The following HDGFL3 variants were observed in gnomAD, a reference collection of about 807,000 sequenced individuals.
HDGFL3 encodes the protein hepatoma-derived growth factor-related protein 3.
Under a neutral mutation model 27.6 loss-of-function variants are expected in HDGFL3, and 6 were observed. The observed-to-expected ratio is 0.22, with a 90% CI of 0.12 to 0.43. The LOEUF is 0.43. HDGFL3 is among the 20% of genes least tolerant of loss of function. The pLI is 1.00. For missense variants in HDGFL3, 207 were observed against 250.1 expected, an observed-to-expected ratio of 0.83 and a Z score of 1.16; for synonymous variants, 88 against 88.9, an observed-to-expected ratio of 0.99 and a Z score of 0.05.
exon 4 of HDGFL3, chr15:83,115,716 A>G (rs1259351667): frequency 1.4e-6 from 1 of 739,142 alleles, no homozygotes; most frequent in Non-Finnish European, 2.4e-6. Flanking sequence ...CTGTTAGTCT[A>G]TCTCGATAAT....
intron 1 of HDGFL3, among the ~76,000 whole-genome samples, chr15:83,194,894 C>A (rs1219564239): frequency 6.6e-6 from 1 of 152,086 alleles, no homozygotes; most frequent in Admixed American, 6.5e-5. Flanking sequence ...TCAGAAGGTA[C>A]TATCATTTAA....
chr15:83,146,649 GT>G (rs1450695680), intron 5 of HDGFL3, among the ~76,000 whole-genome samples: 1 of 152,038 alleles, frequency 6.6e-6, no homozygotes, highest in Non-Finnish European at 1.5e-5. Context: ...CTTAATTCTA[GT>G]TAAATTCAAT....
intron 3 of HDGFL3, chr15:83,119,682 G>A: frequency 1.2e-6 from 2 of 1,614,162 alleles, no homozygotes; most frequent in Non-Finnish European, 1.7e-6. Flanking sequence ...TAGCATGGGA[G>A]TAAGTCAGTT....
chr15:83,198,710 G>A (rs1215367642), intron 1 of HDGFL3, among the ~76,000 whole-genome samples: 1 of 152,202 alleles, frequency 6.6e-6, no homozygotes, highest in African/African-American at 2.4e-5. Context: ...GTGGACACGT[G>A]AAAAGCAACC....
rs1285626674 is a variant in HDGFL3 at position 83,134,662 on chromosome 15, AT to A, written c.*4607del. 1 of 152,210 alleles carries A rather than the reference AT, an allele frequency of 6.6e-6. No individual in the cohort carries two copies. The allele number at this position is 152,210 out of a possible 1,614,324, so 9.4% of individuals were successfully genotyped here. On this transcript the variant is annotated 3_prime_UTR_variant, in exon 6 of 6. Transcript: ENST00000299633. Reference sequence around the variant, plus strand: ...TATGCAAGTAGGCACAACTGCTCATATTTATTCTCTCAAAGTATGGTTGGCA... The same window carrying A: ...TATGCAAGTAGGCACAACTGCTCATATTATTCTCTCAAAGTATGGTTGGCA...
chr15:83,197,966 G>A (rs2037592098), intron 1 of HDGFL3, among the ~76,000 whole-genome samples: 1 of 147,574 alleles, frequency 6.8e-6, no homozygotes, highest in Admixed American at 6.9e-5. Context: ...CGGCGGGGAG[G>A]GGGTGATGAG....
In HDGFL3 at chr15:83,136,283, C is replaced by T. The variant is rs1267309460; in HGVS notation, c.*2987G>A. The T allele has an allele frequency of 6.8e-6, 3 of 438,110 alleles. No homozygotes were observed. The highest frequency in any genetic ancestry group is 2.0e-5 in the African/African-American group (1 of 49,700). The allele number at this position is 438,110 out of a possible 1,614,324, so 27.1% of individuals were successfully genotyped here. A position where few individuals can be genotyped will look rare whatever the true frequency, so the allele number is the denominator to read the frequency against. On this transcript the variant is annotated 3_prime_UTR_variant, in exon 6 of 6. Coordinates refer to ENST00000299633, the MANE Select transcript of HDGFL3 (RefSeq NM_016073.4). ...TTTGAACAGTCATATCAAGAATGGC[C>T]CTAAATTTAATCAAGGACTAAATTT...
At chr15:83,151,183 G>C (rs1449828772) in intron 5 of HDGFL3, 32 bp downstream of exon 5, 1 of 1,590,330 alleles carries the variant, frequency 6.3e-7, no homozygotes, top group Non-Finnish European at 8.6e-7. Context: ...TCTTCTAATA[G>C]AAGGTAAGAG....
chr15:83,178,837 A>C (rs2037346169), intron 1 of HDGFL3, among the ~76,000 whole-genome samples: 1 of 152,174 alleles, frequency 6.6e-6, no homozygotes. Flanking sequence ...TTCTTCTCTG[A>C]TAACTCTTCC....
intron 3 of HDGFL3, chr15:83,119,900 G>A: frequency 2.0e-6 from 1 of 497,568 alleles, no homozygotes. Context: ...AGCTCGGGCA[G>A]ACCCTTTAAG....
In HDGFL3 at chr15:83,207,257, GA is replaced by G; in HGVS notation, c.84+73del. 9.3e-7 allele frequency: 1 copy of G among 1,075,380 alleles called. No homozygotes were observed. The highest frequency in any genetic ancestry group is 1.2e-6 in the Non-Finnish European group (1 of 819,144). The allele number at this position is 1,075,380 out of a possible 1,614,324, so 66.6% of individuals were successfully genotyped here. A position where few individuals can be genotyped will look rare whatever the true frequency, so the allele number is the denominator to read the frequency against. On this transcript the variant is annotated intron_variant, in intron 1 of 5. Coordinates refer to ENST00000299633, the MANE Select transcript of HDGFL3 (RefSeq NM_016073.4). The surrounding 1 kb of genome is among the most constrained non-coding windows in gnomAD (Gnocchi z 4.8). Reference sequence around the variant, plus strand: ...GCGGGCTCGGGGCTGAGGCGATGGGGAAAGGGGGCGGGCGCGCCATCATGAA... The same window carrying G: ...GCGGGCTCGGGGCTGAGGCGATGGGGAAGGGGGCGGGCGCGCCATCATGAA...
intron 3 of HDGFL3, chr15:83,119,786 G>T: frequency 6.5e-7 from 1 of 1,548,474 alleles, no homozygotes; most frequent in East Asian, 2.3e-5. Flanking sequence ...AGGTATACTG[G>T]ACATGAATAT....
intron 1 of HDGFL3, among the ~76,000 whole-genome samples, chr15:83,178,398 T>A (rs531689638): frequency 5.9e-5 from 9 of 152,320 alleles, no homozygotes; most frequent in African/African-American, 1.9e-4. Context: ...TAGAATAACC[T>A]CCTGAACTTT....
intron 5 of HDGFL3, among the ~76,000 whole-genome samples, chr15:83,150,999 G>C (rs572501000): frequency 5.9e-5 from 9 of 152,306 alleles, no homozygotes; most frequent in Non-Finnish European, 1.3e-4. Context: ...TGTTCATAGA[G>C]ATCCAAATTG....
chr15:83,125,439 C>T (rs570101152), downstream of HDGFL3, among the ~76,000 whole-genome samples: 3 of 152,328 alleles, frequency 2.0e-5, no homozygotes, highest in South Asian at 6.2e-4. Context: ...GGAAAAACTA[C>T]TTAACCTCTT....
chr15:83,192,483 G>GA (rs2037523378), intron 1 of HDGFL3, among the ~76,000 whole-genome samples: 1 of 152,146 alleles, frequency 6.6e-6, no homozygotes, highest in African/African-American at 2.4e-5. Context: ...ATTAATTTTT[G>GA]ATGAGTCAAT....
At chr15:83,117,352 G>T (rs532239388) in intron 3 of HDGFL3, among the ~76,000 whole-genome samples, 2 of 152,290 alleles carry the variant, frequency 1.3e-5, no homozygotes, top group South Asian at 4.1e-4. Flanking sequence ...AGCAGTCCTG[G>T]AAGAGAGAGT....
At chr15:83,205,639 A>G (rs2037707123) in intron 1 of HDGFL3, among the ~76,000 whole-genome samples, 1 of 152,242 alleles carries the variant, frequency 6.6e-6, no homozygotes, top group East Asian at 1.9e-4. Flanking sequence ...AAGATTTTAA[A>G]AAGCCATTAT....
intron 1 of HDGFL3, among the ~76,000 whole-genome samples, chr15:83,165,726 C>T (rs951021013): frequency 1.5e-5 from 2 of 136,708 alleles, no homozygotes; most frequent in Non-Finnish European, 3.1e-5. Flanking sequence ...ACCTGGGAGG[C>T]GGAGCTTACA....
Sources: allele counts gnomAD v4.1 joint callset (sites outside exome capture counted in the v4.1 genomes callset), GRCh38; gene constraint gnomAD v4.1.1; non-coding constraint Gnocchi (gnomAD v3.1); transcripts MANE v1.5; gene names NCBI Gene and HGNC (gene_info 2026-07-23, HGNC 2026-07-21).